The following MAPK14 variants were observed in gnomAD, a reference collection of about 807,000 sequenced individuals.
The protein encoded by MAPK14 is CSAID-binding protein.
A neutral mutation model predicts 49.6 loss-of-function variants in MAPK14; 16 were observed. The observed-to-expected ratio is 0.32, with a 90% CI of 0.22 to 0.49. MAPK14 has a LOEUF of 0.49. Among genes scored for constraint, MAPK14 ranks in the 20% least tolerant of loss-of-function variants. The pLI is 0.99. For missense variants in MAPK14, 200 were observed against 441.2 expected, an observed-to-expected ratio of 0.45 and a Z score of 4.90; for synonymous variants, 142 against 158.0, an observed-to-expected ratio of 0.90 and a Z score of 0.76.
At chr6:36,120,528 C>G in the MAPK14 span, among the ~76,000 whole-genome samples, 1 of 152,048 alleles carries the variant, frequency 6.6e-6, no homozygotes, top group Non-Finnish European at 1.5e-5. Context: ...ACCACCGCCA[C>G]CCCCCACCAT....
At position 36,100,230 on chromosome 6, in the gene MAPK14, C is replaced by G. The variant is rs200280517; in HGVS notation, c.763-2341C>G. On this transcript the variant is annotated intron_variant, in intron 9 of 11. Transcript: ENST00000229794. The stretch of plus-strand genomic sequence containing the variant: ...CAGATTATGCGTCTGACAGGAACAC[C>G]CCCCGCTTATCTCATTAACAGGATG... 53 of 1,613,702 alleles carry G rather than the reference C, an allele frequency of 3.3e-5. No homozygotes were observed. The highest frequency in any genetic ancestry group is 4.4e-5 in the Non-Finnish European group (52 of 1,179,762).
At chr6:36,098,140 G>A (rs1263552250) in intron 9 of MAPK14, 1 of 152,118 alleles carries the variant, frequency 6.6e-6, no homozygotes, top group Non-Finnish European at 1.5e-5. Context: ...GTGAAGGAGT[G>A]CAGTAAATAG....
chr6:36,034,897 C>CTTT (rs200316205), intron 1 of MAPK14, among the ~76,000 whole-genome samples: 71 of 120,994 alleles, frequency 5.9e-4, no homozygotes, highest in African/African-American at 1.3e-3. Flanking sequence ...TTCTTTCTTT[C>CTTT]TTTTTTTTTT....
downstream of MAPK14, among the ~76,000 whole-genome samples, chr6:36,112,276 A>G (rs6457879): frequency 0.91 from 137,767 of 152,050 alleles, 62,688 homozygotes; most frequent in East Asian, 1. Flanking sequence ...AGACATGAGA[A>G]CAGCCTTCCT....
chr6:36,046,074 G>T (rs1763168872), intron 1 of MAPK14, among the ~76,000 whole-genome samples: 1 of 152,160 alleles, frequency 6.6e-6, no homozygotes. Context: ...AGGCAAGTAT[G>T]AATGTGTAAC....
chr6:36,064,434 C>T (rs1399428149), intron 3 of MAPK14, among the ~76,000 whole-genome samples: 1 of 152,106 alleles, frequency 6.6e-6, no homozygotes, highest in Non-Finnish European at 1.5e-5. Context: ...CTTTATTTTA[C>T]AAGTTCCCAT....
At position 36,107,422 on chromosome 6, in the gene MAPK14, A is replaced by G; in HGVS notation, c.842-33A>G. 1 of 1,457,030 alleles carries G rather than the reference A, an allele frequency of 6.9e-7. No individual in the cohort carries two copies. The highest frequency in any genetic ancestry group is 1.5e-5 in the South Asian group (1 of 66,062). The allele number at this position is 1,457,030 out of a possible 1,614,324, so 90.3% of individuals were successfully genotyped here. A position where few individuals can be genotyped will look rare whatever the true frequency, so the allele number is the denominator to read the frequency against. On this transcript the variant is annotated intron_variant, in intron 10 of 11. Transcript: ENST00000229794. The surrounding 1 kb of genome is among the most constrained non-coding windows in gnomAD (Gnocchi z 4.3). Reference sequence around the variant, plus strand: ...GCATACTTTTTTGTAACATGTTAAAAACTCTTTTCCTTCCTGTCTATGGTA... The same window carrying G: ...GCATACTTTTTTGTAACATGTTAAAGACTCTTTTCCTTCCTGTCTATGGTA...
At chr6:36,060,627 C>T (rs992092021) in intron 3 of MAPK14, among the ~76,000 whole-genome samples, 3 of 152,128 alleles carry the variant, frequency 2.0e-5, no homozygotes, top group Admixed American at 1.3e-4. Flanking sequence ...TTCAGTTTCT[C>T]CCATTCTTAT....
In MAPK14 at chr6:36,034,897, CTTT is replaced by C. The variant is rs200316205; in HGVS notation, c.116+6641_116+6643del. On this transcript the variant is annotated intron_variant, in intron 1 of 11. Transcript: ENST00000229794. ...TAATTCTCGCAATATTTCTTTCTTT[CTTT>C]TTTTTTTTTTTTTTTTGAGACGGAG... 7.0e-3 allele frequency among the ~76,000 whole-genome samples: 842 copies of C among 120,996 alleles called. 6 individuals are homozygous for C. Among genetic ancestry groups the C allele is most frequent in the African/African-American group, 0.026 (797 of 31,128 alleles). The allele number at this position is 120,996 out of a possible 152,430, so 79.4% of individuals were successfully genotyped here. A position where few individuals can be genotyped will look rare whatever the true frequency, so the allele number is the denominator to read the frequency against.
At chr6:36,081,237 T>C (rs1764747810) in intron 8 of MAPK14, among the ~76,000 whole-genome samples, 1 of 152,210 alleles carries the variant, frequency 6.6e-6, no homozygotes, top group Non-Finnish European at 1.5e-5. Flanking sequence ...TTTTAGACTG[T>C]ATTGCCAAAT....
At chr6:36,073,160 C>G (rs3730365) in intron 4 of MAPK14, 176 bp downstream of exon 4, 21 of 595,502 alleles carry the variant, frequency 3.5e-5, no homozygotes, top group Non-Finnish European at 5.7e-5. Flanking sequence ...CAACAGTTAC[C>G]GACATATGGC....
At chr6:36,055,155 G>A (rs996660460) in intron 2 of MAPK14, among the ~76,000 whole-genome samples, 2 of 152,222 alleles carry the variant, frequency 1.3e-5, no homozygotes, top group Non-Finnish European at 2.9e-5. Context: ...GTTAACACCT[G>A]CTCTAAGGAA....
chr6:36,065,151 GT>G, intron 3 of MAPK14, among the ~76,000 whole-genome samples: 1 of 152,264 alleles, frequency 6.6e-6, no homozygotes, highest in Non-Finnish European at 1.5e-5. Context: ...TACTGTCACT[GT>G]TTACTCCTTA....
At chr6:36,035,294 C>T (rs926875534) in intron 1 of MAPK14, among the ~76,000 whole-genome samples, 2 of 152,164 alleles carry the variant, frequency 1.3e-5, no homozygotes, top group Non-Finnish European at 2.9e-5. Context: ...GATCTGAGAT[C>T]ACTGATCTTT....
chr6:36,052,920 G>T (rs1415657244), intron 2 of MAPK14, 92 bp downstream of exon 2: 1 of 1,152,342 alleles, frequency 8.7e-7, no homozygotes, highest in Non-Finnish European at 1.2e-6. Context: ...ACGCTGGAGT[G>T]CATCAAACGT....
At chr6:36,114,280 T>C (rs1581865724), downstream of MAPK14, among the ~76,000 whole-genome samples, 2 of 152,134 alleles carry the variant, frequency 1.3e-5, no homozygotes, top group East Asian at 3.8e-4. Flanking sequence ...GCCTCTTTTC[T>C]TGAAAAAAGA....
In MAPK14 at chr6:36,109,656, A is replaced by G. The variant is rs1421205471; in HGVS notation, c.*1209A>G. 6.6e-6 allele frequency: 1 copy of G among 152,658 alleles called. No homozygotes were observed. Among genetic ancestry groups the G allele is most frequent in the Non-Finnish European group, 1.5e-5 (1 of 68,046 alleles). 9.5% of individuals were successfully genotyped at this position (152,658 alleles called of 1,614,324 possible). ...TATTCATGCCATCTGTTTTCAACCA[A>G]CTATTTTTGAGGAATTATCATGGGA... On this transcript the variant is annotated 3_prime_UTR_variant, in exon 12 of 12. Transcript: ENST00000229794.
At chr6:36,049,963 G>A (rs1763331871) in intron 1 of MAPK14, among the ~76,000 whole-genome samples, 1 of 152,164 alleles carries the variant, frequency 6.6e-6, no homozygotes, top group South Asian at 2.1e-4. Context: ...TGAAGGCAAG[G>A]GCAACTCTTG....
chr6:36,033,525 C>T (rs1433749024), intron 1 of MAPK14, among the ~76,000 whole-genome samples: 1 of 152,172 alleles, frequency 6.6e-6, no homozygotes, highest in African/African-American at 2.4e-5. Context: ...CCATGTTGGT[C>T]AGGCCAGTCT....
Sources: gnomAD v4.1 joint callset for allele counts (sites outside exome capture counted in the v4.1 genomes callset) on GRCh38, gnomAD v4.1.1 for gene constraint, Gnocchi (gnomAD v3.1) non-coding constraint, MANE v1.5 for transcripts, NCBI Gene and HGNC (gene_info 2026-07-23, HGNC 2026-07-21) for gene names.